Variants in FSTL5 observed in about 807,000 individuals in gnomAD.
The protein encoded by FSTL5 is follistatin like 5.
Under a neutral mutation model 89.1 loss-of-function variants are expected in FSTL5, and 62 were observed. The ratio of observed to expected loss-of-function variants is 0.70; its 90% confidence interval spans 0.57 to 0.86. The LOEUF (loss-of-function observed/expected upper bound fraction) is 0.86. Ranked by LOEUF, FSTL5 falls within the 40% of genes least tolerant of loss-of-function variation. FSTL5 has a pLI of 0.00. For missense variants in FSTL5, 1,057 were observed against 1,001.6 expected, an observed-to-expected ratio of 1.06 and a Z score of -0.75; for synonymous variants, 383 against 346.2, an observed-to-expected ratio of 1.11 and a Z score of -1.18.
chr4:161,988,363 A>G (rs1736023504), intron 3 of FSTL5, among the ~76,000 whole-genome samples: 1 of 152,182 alleles, frequency 6.6e-6, no homozygotes, highest in Non-Finnish European at 1.5e-5. Context: ...ATAAAAGTTC[A>G]TACAGGAAAG....
intron 4 of FSTL5, among the ~76,000 whole-genome samples, chr4:161,833,735 T>G (rs938262423): frequency 6.6e-6 from 1 of 151,976 alleles, no homozygotes; most frequent in African/African-American, 2.4e-5. Flanking sequence ...ATTTGCTTGG[T>G]AGATCTTCCT....
At chr4:162,139,386 A>G (rs1732638643) in intron 1 of FSTL5, among the ~76,000 whole-genome samples, 2 of 152,050 alleles carry the variant, frequency 1.3e-5, no homozygotes, top group South Asian at 4.1e-4. Flanking sequence ...GAAATTCCTG[A>G]AGAAGGAATA....
chr4:161,730,508 TA>T (rs1200674529), intron 6 of FSTL5, among the ~76,000 whole-genome samples: 1 of 152,160 alleles, frequency 6.6e-6, no homozygotes, highest in African/African-American at 2.4e-5. Context: ...TAATGCTGCA[TA>T]AAAATTTATT....
At chr4:161,447,144 T>C (rs1309475952) in intron 15 of FSTL5, among the ~76,000 whole-genome samples, 1 of 152,034 alleles carries the variant, frequency 6.6e-6, no homozygotes, top group African/African-American at 2.4e-5. Flanking sequence ...GAGTCAAATC[T>C]GCAATGTGGA....
At chr4:162,140,761 T>C (rs1217198587) in intron 1 of FSTL5, among the ~76,000 whole-genome samples, 1 of 152,038 alleles carries the variant, frequency 6.6e-6, no homozygotes, top group Non-Finnish European at 1.5e-5. Flanking sequence ...GCAGTGGAGG[T>C]GATAAAACAA....
chr4:161,456,716 C>T (rs1220874690), intron 14 of FSTL5, among the ~76,000 whole-genome samples: 1 of 152,180 alleles, frequency 6.6e-6, no homozygotes, highest in Non-Finnish European at 1.5e-5. Context: ...AACATTTTGA[C>T]ATTTCTGCAG....
At chr4:161,932,368 G>A (rs1306018683) in intron 3 of FSTL5, among the ~76,000 whole-genome samples, 2 of 151,796 alleles carry the variant, frequency 1.3e-5, no homozygotes, top group African/African-American at 4.8e-5. Context: ...GTTAGATACT[G>A]TTTATCGTCT....
intron 3 of FSTL5, among the ~76,000 whole-genome samples, chr4:161,939,261 A>T: frequency 6.6e-6 from 1 of 151,988 alleles, no homozygotes; most frequent in East Asian, 1.9e-4. Context: ...AAATAATTTT[A>T]AAATATCTCC....
intron 7 of FSTL5, among the ~76,000 whole-genome samples, chr4:161,606,891 T>G (rs1734466219): frequency 6.6e-6 from 1 of 152,144 alleles, no homozygotes; most frequent in South Asian, 2.1e-4. Context: ...AGATAAAAAT[T>G]TAAATTTAAA....
intron 13 of FSTL5, among the ~76,000 whole-genome samples, chr4:161,471,232 C>T (rs915742323): frequency 5.3e-5 from 8 of 152,198 alleles, no homozygotes; most frequent in African/African-American, 1.9e-4. Flanking sequence ...AGTTTCTTCC[C>T]ATTCCTAGTT....
chr4:161,630,450 G>A (rs548449457), intron 7 of FSTL5, among the ~76,000 whole-genome samples: 1 of 152,238 alleles, frequency 6.6e-6, no homozygotes, highest in Admixed American at 6.5e-5. Context: ...AGCCTTTCTT[G>A]TTTGTGAAGT....
At chr4:161,850,643 T>C (rs756047321) in intron 4 of FSTL5, among the ~76,000 whole-genome samples, 1 of 152,162 alleles carries the variant, frequency 6.6e-6, no homozygotes, top group Non-Finnish European at 1.5e-5. Context: ...TGTCTAAGGC[T>C]GATGGGAGCT....
chr4:161,477,917 T>C lies in FSTL5; in HGVS notation c.1608+3103A>G, dbSNP rs1224201988. Among the ~76,000 whole-genome samples, 3 of 152,044 alleles carry C rather than the reference T, an allele frequency of 2.0e-5. No individual in the cohort carries two copies. The East Asian group carries it at 5.8e-4, about 29-fold the overall frequency. On this transcript the variant is annotated intron_variant, in intron 13 of 15. Transcript: ENST00000306100. Reference sequence around the variant, plus strand: ...ATCAGTAGATTAAATGTAGTATTAGTTAAAAACTTAGCAGGAATGTATAGA... The same window carrying C: ...ATCAGTAGATTAAATGTAGTATTAGCTAAAAACTTAGCAGGAATGTATAGA...
intron 12 of FSTL5, among the ~76,000 whole-genome samples, chr4:161,498,100 A>G (rs892165590): frequency 6.6e-6 from 1 of 151,856 alleles, no homozygotes; most frequent in African/African-American, 2.4e-5. Context: ...ATACATATAT[A>G]TGTATACATA....
chr4:161,862,018 G>A (rs950148713), intron 4 of FSTL5, among the ~76,000 whole-genome samples: 1 of 152,082 alleles, frequency 6.6e-6, no homozygotes, highest in Admixed American at 6.5e-5. Context: ...CTGTAATATT[G>A]AGATCAAATT....
In FSTL5 at chr4:162,072,822, C is replaced by A. The variant is rs892845566; in HGVS notation, c.126+38449G>T. 7.2e-5 allele frequency among the ~76,000 whole-genome samples: 11 copies of A among 151,802 alleles called. No homozygotes were observed. The East Asian group carries it at 2.0e-3, about 27-fold the overall frequency. On this transcript the variant is annotated intron_variant, in intron 2 of 15. Transcript: ENST00000306100. ...TGAAATTGACATATAAATCGGTAGACCAAGTAAAGCAGATTACTCTCCCTA... is the reference window on the plus strand; with the variant it reads ...TGAAATTGACATATAAATCGGTAGAACAAGTAAAGCAGATTACTCTCCCTA...
At chr4:161,856,541 G>A (rs1367193355) in intron 4 of FSTL5, among the ~76,000 whole-genome samples, 2 of 151,822 alleles carry the variant, frequency 1.3e-5, no homozygotes, top group East Asian at 1.9e-4. Flanking sequence ...TCAACCTAGA[G>A]ATACAAAAGT....
Position 161,510,402 on chromosome 4 carries a change from T to C in FSTL5, c.1335A>G (p.Glu445=). 2.0e-6 allele frequency: 3 copies of C among 1,537,066 alleles called. No individual in the cohort carries two copies. The highest frequency in any genetic ancestry group is 2.6e-6 in the Non-Finnish European group (3 of 1,141,812). Reference sequence around the variant, plus strand: ...AAAAATAATTCAACTTAGTACCTTCTTCTCTCCATAATATGTTAGCTACTG... The same window carrying C: ...AAAAATAATTCAACTTAGTACCTTCCTCTCTCCATAATATGTTAGCTACTG... ...RKTLANILWR[E]EGLGIGNMFY... The change falls in exon 11 of 16, where the codon GAA becomes GAG. Residue 445 remains glutamate, a synonymous_variant. Transcript: ENST00000306100.
intron 8 of FSTL5, among the ~76,000 whole-genome samples, chr4:161,558,724 C>T (rs1732481262): frequency 6.6e-6 from 1 of 151,814 alleles, no homozygotes; most frequent in South Asian, 2.1e-4. Context: ...CAATATGCCA[C>T]CTTCTAGTAA....
Sources: allele counts gnomAD v4.1 joint callset (sites outside exome capture counted in the v4.1 genomes callset), GRCh38; gene constraint gnomAD v4.1.1; transcripts MANE v1.5; gene names NCBI Gene and HGNC (gene_info 2026-07-23, HGNC 2026-07-21).